CACNA1S: variants seen among roughly 807,000 people sequenced by gnomAD.
CACNA1S encodes the protein calcium voltage-gated channel subunit alpha1 S.
In CACNA1S, 126 loss-of-function variants were observed where a neutral mutation model predicts 207.4. The ratio of observed to expected loss-of-function variants is 0.61; its 90% confidence interval spans 0.53 to 0.70. The LOEUF is 0.70. Among genes scored for constraint, CACNA1S ranks in the 30% least tolerant of loss-of-function variants. CACNA1S has a pLI of 0.00. For missense variants in CACNA1S, 2,349 were observed against 2,422.8 expected (o/e 0.97, Z 0.64); for synonymous variants, 960 against 932.7 (o/e 1.03, Z -0.53).
At chr1:201,051,981 G>A (rs1407942150) in intron 32 of CACNA1S, among the ~76,000 whole-genome samples, 1 of 152,104 alleles carries the variant, frequency 6.6e-6, no homozygotes, top group African/African-American at 2.4e-5. Flanking sequence ...AGGGGCCCTG[G>A]GTGTGGGTGT....
intron 19 of CACNA1S, among the ~76,000 whole-genome samples, chr1:201,068,516 T>G (rs890487554): frequency 6.6e-6 from 1 of 150,434 alleles, no homozygotes; most frequent in African/African-American, 2.4e-5. Flanking sequence ...GTGCTGGGAT[T>G]ACAGGCGTGA....
intron 19 of CACNA1S, among the ~76,000 whole-genome samples, chr1:201,068,151 A>T (rs1046520716): frequency 7.0e-6 from 1 of 143,134 alleles, no homozygotes; most frequent in East Asian, 2.1e-4. Context: ...TTCTCTGGGG[A>T]CTCTTGGAGG....
Position 201,070,373 on chromosome 1 carries a change from C to A in CACNA1S, c.2259G>T (p.Pro753=). Residue 753 remains proline (P), a synonymous_variant, in exon 17 of 44, where the codon CCG becomes CCT. Coordinates refer to ENST00000362061, the MANE Select transcript of CACNA1S (RefSeq NM_000069.3). Reference sequence around the variant, plus strand: ...CCAGGGGACGTGGTCGGGGGCTCAGCGGGATCTCAGGCTCATCTTCCTCGT... The same window carrying A: ...CCAGGGGACGTGGTCGGGGGCTCAGAGGGATCTCAGGCTCATCTTCCTCGT... ...GDDEEDEPEI[P]LSPRPRPLAE... is the part of the protein sequence containing the mutation. The A allele has an allele frequency of 6.2e-7, 1 of 1,614,042 alleles. No homozygotes were observed. The highest frequency in any genetic ancestry group is 1.1e-5 in the South Asian group (1 of 91,068).
At chr1:201,052,413 A>C in intron 32 of CACNA1S, 144 bp downstream of exon 32, 1 of 681,630 alleles carries the variant, frequency 1.5e-6, no homozygotes, top group Non-Finnish European at 2.7e-6. Context: ...GCAACCAAGC[A>C]GGGGACCCTT....
At position 201,044,352 on chromosome 1, in the gene CACNA1S, A is replaced by C. The variant is rs149037631; in HGVS notation, c.4773T>G (p.Ala1591=). Residue 1591 remains alanine, a synonymous_variant, in exon 39 of 44, where the codon GCT becomes GCG. Transcript: ENST00000362061. ...EEELERAMVE[A]AMEEGIFRRT... is the part of the protein sequence containing the mutation. ...CCCGGAATATTCCCTCCTCCATCGC[A>C]GCCTCCACCATGGCTCTCTCCAGCT... The C allele has an allele frequency of 6.2e-7, 1 of 1,613,170 alleles. No homozygotes were observed. The highest frequency in any genetic ancestry group is 1.3e-5 in the African/African-American group (1 of 74,728).
chr1:201,069,907 C>G (rs533129723), intron 17 of CACNA1S, among the ~76,000 whole-genome samples: 1 of 152,300 alleles, frequency 6.6e-6, no homozygotes, highest in Non-Finnish European at 1.5e-5. Flanking sequence ...TGGTCTCTAT[C>G]CATGAGGCAG....
chr1:201,074,529 C>G lies in CACNA1S; in HGVS notation c.2040G>C (p.Glu680Asp), dbSNP rs748019280. Residue 680 changes from glutamate to aspartate, a missense_variant, in exon 14 of 44, where the codon GAG becomes GAC. Glu to Asp is a conservative substitution (Grantham distance 45). Coordinates refer to ENST00000362061, the MANE Select transcript of CACNA1S (RefSeq NM_000069.3). ...LTSAQKAKAEEKKRRKMSKGL... is the reference protein window; with the variant it reads ...LTSAQKAKAEDKKRRKMSKGL... ...ACTTGGACATCTTCCTGCGTTTTTT[C>G]TCCTCAGCCTTGGCCTTCTGGGCAG... is the stretch of plus-strand genomic sequence containing the variant. 2 of 1,613,414 alleles carry G rather than the reference C, an allele frequency of 1.2e-6. No individual in the cohort carries two copies. The highest frequency in any genetic ancestry group is 8.5e-7 in the Non-Finnish European group (1 of 1,179,376).
At chr1:201,108,497 G>A (rs970026796) in intron 2 of CACNA1S, among the ~76,000 whole-genome samples, 4 of 152,152 alleles carry the variant, frequency 2.6e-5, no homozygotes, top group African/African-American at 9.7e-5. Context: ...ATGAAATCCT[G>A]AAGGGTGGGG....
chr1:201,110,399 G>T, intron 1 of CACNA1S, 130 bp from the exon 2 acceptor site: 1 of 785,610 alleles, frequency 1.3e-6, no homozygotes, highest in Non-Finnish European at 2.2e-6. Context: ...ATGGACGCTC[G>T]CCCACGCTGC....
chr1:201,042,994 T>A (rs1233329314), intron 40 of CACNA1S: 1 of 413,086 alleles, frequency 2.4e-6, no homozygotes, highest in East Asian at 5.4e-5. Flanking sequence ...TAACCTATCA[T>A]GTGTTCAATA....
intron 7 of CACNA1S, among the ~76,000 whole-genome samples, chr1:201,086,293 A>G (rs1313467897): frequency 6.6e-6 from 1 of 152,244 alleles, no homozygotes; most frequent in Non-Finnish European, 1.5e-5. Context: ...AGTTAAGCCT[A>G]TGGATCTCTC....
chr1:201,062,985 GGGGC>G (rs1401554037), intron 22 of CACNA1S, among the ~76,000 whole-genome samples: 1 of 152,198 alleles, frequency 6.6e-6, no homozygotes, highest in Non-Finnish European at 1.5e-5. Flanking sequence ...TCCTGCCAGT[GGGGC>G]GGGAGCAGCA....
chr1:201,095,414 C>A (rs1309592283), intron 2 of CACNA1S, among the ~76,000 whole-genome samples: 2 of 152,102 alleles, frequency 1.3e-5, no homozygotes, highest in East Asian at 1.9e-4. Context: ...GGGAACTGGG[C>A]ACTCCATTAA....
chr1:201,071,920 T>C (rs1388566813), intron 16 of CACNA1S, among the ~76,000 whole-genome samples: 1 of 152,248 alleles, frequency 6.6e-6, no homozygotes, highest in Non-Finnish European at 1.5e-5. Flanking sequence ...AGCCAAACAC[T>C]GTGCTGTGTG....
chr1:201,094,588 G>A (rs907492933), intron 2 of CACNA1S, among the ~76,000 whole-genome samples: 1 of 152,180 alleles, frequency 6.6e-6, no homozygotes, highest in East Asian at 1.9e-4. Context: ...GGTAGGAGAC[G>A]GGGGTGGATT....
rs750714342 is a variant in CACNA1S, at chr1:201,093,960, G to A, written c.320C>T (p.Ala107Val). Reference protein sequence around the residue: ...FSIEAAMKIIAYGFLFHQDAY... With the variant: ...FSIEAAMKIIVYGFLFHQDAY... Reference sequence around the variant, plus strand: ...GTCCTGGTGGAATAAGAAGCCGTAGGCAATGATCTTCATGGCGGCTTCAAT... The same window carrying A: ...GTCCTGGTGGAATAAGAAGCCGTAGACAATGATCTTCATGGCGGCTTCAAT... Residue 107 changes from alanine to valine, a missense_variant, in exon 3 of 44, where the codon GCC (alanine) becomes GTC (valine). By Grantham distance (64) the Ala-to-Val change is moderately conservative (BLOSUM62 0). Transcript: ENST00000362061. 5 of 1,614,180 alleles carry A rather than the reference G, an allele frequency of 3.1e-6. No homozygotes were observed. The Admixed American group carries it at 5.0e-5, about 16-fold the overall frequency.
rs770468201 is a variant in CACNA1S at position 201,051,119 on chromosome 1, C to T, written c.3978G>A (p.Gln1326=). 1.9e-6 allele frequency: 3 copies of T among 1,614,112 alleles called. No homozygotes were observed. The highest frequency in any genetic ancestry group is 1.3e-5 in the African/African-American group (1 of 74,932). ...CATAGCTGCAGGCCAGTAGGATCTCCTGCCAGGCCTCACCTGTTGCACACC... is the reference window on the plus strand; with the variant it reads ...CATAGCTGCAGGCCAGTAGGATCTCTTGCCAGGCCTCACCTGTTGCACACC... ...LFRCATGEAW[Q]EILLACSYGK... Residue 1326 remains glutamine (Q), a synonymous_variant, in exon 33 of 44, where the codon CAG becomes CAA. Coordinates refer to ENST00000362061, the MANE Select transcript of CACNA1S (RefSeq NM_000069.3).
At position 201,110,180 on chromosome 1, in the gene CACNA1S, G is replaced by A. The variant is rs1185207877; in HGVS notation, c.242C>T (p.Ser81Phe). Residue 81 changes from serine to phenylalanine, a missense_variant, in exon 2 of 44, where the codon TCT (serine) becomes TTT (phenylalanine). By Grantham distance (155) the Ser-to-Phe change is radical. Coordinates refer to ENST00000362061, the MANE Select transcript of CACNA1S (RefSeq NM_000069.3). ...CAATCTTACCAGGCCGAGGTTCAGA[G>A]AGTTGTTGTCATCTTCCGGCATGGG... is the stretch of plus-strand genomic sequence containing the variant. The part of the protein sequence containing the change: ...YLPMPEDDNN[S>F]LNLGLEKLEY... 1.9e-6 allele frequency: 3 copies of A among 1,614,196 alleles called. No individual in the cohort carries two copies. The highest frequency in any genetic ancestry group is 1.7e-5 in the Admixed American group (1 of 60,030).
chr1:201,096,253 C>T (rs1042725535), intron 2 of CACNA1S, among the ~76,000 whole-genome samples: 1 of 152,176 alleles, frequency 6.6e-6, no homozygotes, highest in Non-Finnish European at 1.5e-5. Flanking sequence ...CCAGCCCAAC[C>T]CTGGAGTGCC....
Sources: gnomAD v4.1 joint callset for allele counts (sites outside exome capture counted in the v4.1 genomes callset) on GRCh38, gnomAD v4.1.1 for gene constraint, MANE v1.5 for transcripts, NCBI Gene and HGNC (gene_info 2026-07-23, HGNC 2026-07-21) for gene names.